PTRH1: variants seen among roughly 807,000 people sequenced by gnomAD.
The protein encoded by PTRH1 is peptidyl-tRNA hydrolase 1 homolog, also known as peptidyl-tRNA hydrolase.
PTRH1 carries 13 observed loss-of-function variants against 15.7 expected under a neutral mutation model. The ratio of observed to expected loss-of-function variants is 0.83; its 90% confidence interval spans 0.54 to 1.31. The LOEUF (loss-of-function observed/expected upper bound fraction) is 1.31. Among genes scored for constraint, PTRH1 ranks in the 40% most tolerant of loss-of-function variants. PTRH1 has a pLI of 0.00. For missense variants in PTRH1, 319 were observed against 296.2 expected (o/e 1.08, Z -0.56); for synonymous variants, 139 against 136.7 (o/e 1.02, Z -0.12).
At chr9:127,709,644 C>T (rs1238207879), downstream of PTRH1, 28 of 1,613,742 alleles carry the variant, frequency 1.7e-5, no homozygotes, top group African/African-American at 4.0e-5. The surrounding 1 kb of genome is among the most constrained non-coding windows in gnomAD (Gnocchi z 4.7). Context: ...AGGTGCGCCA[C>T]GAGTTCCAGG....
chr9:127,714,828 G>C, intron 2 of PTRH1, 126 bp from the exon 3 acceptor site: 1 of 1,063,712 alleles, frequency 9.4e-7, no homozygotes, highest in Non-Finnish European at 1.4e-6. Context: ...GCCCCCCGAA[G>C]TACCCAAAGC....
At chr9:127,708,207 A>T (rs1481746497) in intron 1 of PTRH1, among the ~76,000 whole-genome samples, 1 of 152,230 alleles carries the variant, frequency 6.6e-6, no homozygotes, top group East Asian at 1.9e-4. Flanking sequence ...GGCCAGGCAC[A>T]GTGGCTCAGG....
At chr9:127,698,315 A>T (rs1455526177) in intron 1 of PTRH1, among the ~76,000 whole-genome samples, 1 of 152,256 alleles carries the variant, frequency 6.6e-6, no homozygotes, top group Non-Finnish European at 1.5e-5. Context: ...ACAAATGGCA[A>T]ATAAGCACAC....
intron 1 of PTRH1, among the ~76,000 whole-genome samples, chr9:127,704,790 G>A (rs556548840): frequency 6.6e-5 from 10 of 151,200 alleles, no homozygotes; most frequent in East Asian, 5.8e-4. Context: ...AGATGGCGTC[G>A]TGAACAGAGA....
chr9:127,712,327 C>T (rs759603617), downstream of PTRH1: 1 of 1,613,980 alleles, frequency 6.2e-7, no homozygotes, highest in East Asian at 2.2e-5. Flanking sequence ...CAGGCCACCT[C>T]CTTCCTACAG....
chr9:127,713,199 G>T (rs1002295485), downstream of PTRH1: 1 of 1,529,594 alleles, frequency 6.5e-7, no homozygotes, highest in Non-Finnish European at 8.8e-7. Flanking sequence ...GCACACAGCA[G>T]CCCTGAGGTG....
chr9:127,706,463 C>A (rs796906728), intron 1 of PTRH1, among the ~76,000 whole-genome samples: 1 of 152,304 alleles, frequency 6.6e-6, no homozygotes, highest in Admixed American at 6.5e-5. Context: ...AGGACCTGCC[C>A]GCTGTCCCAC....
At chr9:127,707,154 C>T (rs936051465) in intron 1 of PTRH1, 10 of 1,613,444 alleles carry the variant, frequency 6.2e-6, no homozygotes, top group Admixed American at 3.3e-5. Context: ...AGGAGTTCTA[C>T]CACATCCAGA....
At chr9:127,713,161 A>T (rs769386392), downstream of PTRH1, 4 of 1,601,358 alleles carry the variant, frequency 2.5e-6, no homozygotes, top group South Asian at 3.4e-5. Flanking sequence ...GGCTGCTGTC[A>T]TATATCACCC....
chr9:127,706,117 GT>G (rs1199799320), intron 1 of PTRH1, among the ~76,000 whole-genome samples: 1 of 152,230 alleles, frequency 6.6e-6, no homozygotes, highest in Non-Finnish European at 1.5e-5. Flanking sequence ...ACAGAGCAGG[GT>G]TCAGGCCATT....
chr9:127,709,874 A>G (rs1205401430), downstream of PTRH1, among the ~76,000 whole-genome samples: 2 of 152,216 alleles, frequency 1.3e-5, no homozygotes, highest in African/African-American at 4.8e-5. The surrounding 1 kb of genome is among the most constrained non-coding windows in gnomAD (Gnocchi z 4.7). Context: ...TAGACAAGGA[A>G]GCACCTCAAA....
At chr9:127,709,522 A>G (rs2131586051), downstream of PTRH1, 2 of 1,614,102 alleles carry the variant, frequency 1.2e-6, no homozygotes, top group East Asian at 2.2e-5. This position sits in a 1 kb window ranked among gnomAD's most constrained non-coding sequence, Gnocchi z 4.7. Context: ...GGCCTTCCTC[A>G]AGCGCACGCT....
At chr9:127,712,423 G>A, downstream of PTRH1, 1 of 1,572,936 alleles carries the variant, frequency 6.4e-7, no homozygotes, top group Non-Finnish European at 8.6e-7. Flanking sequence ...TTGCAGAGAA[G>A]GGGCTGCCTC....
At chr9:127,699,807 T>C (rs769682855) in intron 1 of PTRH1, among the ~76,000 whole-genome samples, 5 of 152,150 alleles carry the variant, frequency 3.3e-5, no homozygotes, top group Non-Finnish European at 7.3e-5. Flanking sequence ...TCTCAGTGTC[T>C]ATTGCATAAT....
intron 1 of PTRH1, chr9:127,706,855 G>A (rs1842654526): frequency 1.5e-6 from 1 of 678,440 alleles, no homozygotes; most frequent in African/African-American, 1.8e-5. Context: ...CTGGGCCTGG[G>A]GCCTCACTGA....
chr9:127,712,291 G>C, downstream of PTRH1: 2 of 1,614,026 alleles, frequency 1.2e-6, no homozygotes, highest in Non-Finnish European at 1.7e-6. Flanking sequence ...CAGAAGGTTC[G>C]GGCCAGCCTG....
At position 127,715,390 on chromosome 9, in the gene PTRH1, A is replaced by C. The variant is rs376873379; in HGVS notation, c.96+154T>G. The C allele has an allele frequency of 1.5e-4, 199 of 1,310,914 alleles. 1 individual carries two copies. The African/African-American group carries it at 2.5e-3, about 16-fold the overall frequency. The allele number at this position is 1,310,914 out of a possible 1,614,324, so 81.2% of individuals were successfully genotyped here. On this transcript the variant is annotated intron_variant, in intron 1 of 4. Transcript: ENST00000543175. The surrounding 1 kb of genome is among the most constrained non-coding windows in gnomAD (Gnocchi z 5.8). ...GGCAGGCAGGGCGCCCTAGTGCAGG[A>C]ACGGAGCTTCAAGAAGTTTGGAGCC...
Position 127,703,453 on chromosome 9 carries a change from GAGAGAA to G in PTRH1, c.206-8318_206-8313del, listed in dbSNP as rs558726076. Among the ~76,000 whole-genome samples, 449 of 152,160 alleles carry G rather than the reference GAGAGAA, an allele frequency of 3.0e-3. 1 individual carries two copies. The highest frequency in any genetic ancestry group is 4.8e-3 in the Non-Finnish European group (325 of 67,984). On this transcript the variant is annotated intron_variant, in intron 1 of 2. Transcript: ENST00000335223. ...AGAGCAAGAGAAAGAAAGAGAGAGA[GAGAGAA>G]AGAGAAAGAGAAAGAGAGAGAGGGA...
At chr9:127,696,988 AAG>A (rs1842566651) in intron 1 of PTRH1, among the ~76,000 whole-genome samples, 1 of 152,214 alleles carries the variant, frequency 6.6e-6, no homozygotes, top group African/African-American at 2.4e-5. Flanking sequence ...AGCAGCAAAA[AAG>A]AAGAAAAAGA....
Sources: gnomAD v4.1 joint callset for allele counts (sites outside exome capture counted in the v4.1 genomes callset) on GRCh38, gnomAD v4.1.1 for gene constraint, Gnocchi (gnomAD v3.1) non-coding constraint, MANE v1.5 for transcripts, NCBI Gene and HGNC (gene_info 2026-07-23, HGNC 2026-07-21) for gene names.